Variants in FBXO24 observed in about 807,000 individuals in gnomAD.
The protein encoded by FBXO24 is F-box protein 24.
FBXO24 carries 30 observed loss-of-function variants against 63.5 expected under a neutral mutation model. The observed-to-expected ratio is 0.47, with a 90% CI of 0.35 to 0.64. The LOEUF is 0.64. FBXO24 is among the 30% of genes least tolerant of loss of function. FBXO24 has a pLI of 0.00. For missense variants in FBXO24, 624 were observed against 763.4 expected (o/e 0.82, Z 2.15); for synonymous variants, 300 against 305.0 (o/e 0.98, Z 0.17).
At chr7:100,596,602 C>T (rs1802319753) in intron 8 of FBXO24, among the ~76,000 whole-genome samples, 1 of 152,012 alleles carries the variant, frequency 6.6e-6, no homozygotes, top group Non-Finnish European at 1.5e-5. Flanking sequence ...GGAGGGGAGC[C>T]CGCCAGGAGG....
intron 6 of FBXO24, 87 bp from the exon 7 acceptor site, chr7:100,595,015 G>A: frequency 6.4e-7 from 1 of 1,570,004 alleles, no homozygotes; most frequent in Non-Finnish European, 8.7e-7. Context: ...AGACTCCTTG[G>A]ATCTTGTAGC....
Position 100,600,153 on chromosome 7 carries a change from C to T in FBXO24, c.1329C>T (p.Leu443=). 1 of 1,588,530 alleles carries T rather than the reference C, an allele frequency of 6.3e-7. No individual in the cohort carries two copies. ...GCGGCTGTGGGGCTGGGGGCCGCCT[C>T]CCAGGCTGGCCCAAGGGGAGTGCCT... ...LGCGCGAGGR[L]PGWPKGSASF... is the part of the protein sequence containing the mutation. Residue 443 remains leucine, a synonymous_variant, in exon 9 of 10, where the codon CTC becomes CTT. Transcript: ENST00000241071. The surrounding 1 kb of genome is among the most constrained non-coding windows in gnomAD (Gnocchi z 6.3).
chr7:100,601,043 G>T lies in FBXO24; in HGVS notation c.*144G>T, dbSNP rs190595388. 5.5e-6 allele frequency: 7 copies of T among 1,271,126 alleles called. No individual in the cohort carries two copies. Among genetic ancestry groups the T allele is most frequent in the Non-Finnish European group, 7.4e-6 (7 of 944,310 alleles). 78.7% of individuals were successfully genotyped at this position (1,271,126 alleles called of 1,614,324 possible). On this transcript the variant is annotated 3_prime_UTR_variant, in exon 10 of 10. Transcript: ENST00000241071. ...TAACCAGGGTAAGAATGTTCAGGGG[G>T]CTGCCCAGGAGGGGCCCCCAACCTG...
chr7:100,589,436 G>A lies in FBXO24; in HGVS notation c.40-541G>A, dbSNP rs369636929. The stretch of plus-strand genomic sequence containing the variant: ...TCACACTTTATTTCTCCAGTAAAAT[G>A]CATATCCCTTGAGCCATGTGATGGC... On this transcript the variant is annotated intron_variant, in intron 1 of 9. Coordinates refer to ENST00000241071, the MANE Select transcript of FBXO24 (RefSeq NM_033506.3). The A allele has an allele frequency of 4.9e-6, 6 of 1,232,236 alleles. No individual in the cohort carries two copies. In the African/African-American group the frequency reaches 6.2e-5, roughly 13 times the overall value. 76.3% of individuals were successfully genotyped at this position (1,232,236 alleles called of 1,614,324 possible).
At chr7:100,597,916 G>C (rs1372897120) in intron 8 of FBXO24, among the ~76,000 whole-genome samples, 1 of 148,982 alleles carries the variant, frequency 6.7e-6, no homozygotes, top group African/African-American at 2.5e-5. Flanking sequence ...TTAGAGACAG[G>C]GTCTTGCTAT....
At chr7:100,593,069 AC>A in intron 5 of FBXO24, 52 bp downstream of exon 5, 2 of 1,508,864 alleles carry the variant, frequency 1.3e-6, no homozygotes, top group Non-Finnish European at 1.8e-6. Flanking sequence ...GATTCCTCAG[AC>A]CCTGCTGCAG....
rs370287431 is a variant in FBXO24 at position 100,586,716 on chromosome 7, C to A, written c.39+52C>A. ...TAAGAATGAACGCGGAGCCCCTGGCCGGCCGGGAACGCAGTTCGCCGCTGC... is the reference window on the plus strand; with the variant it reads ...TAAGAATGAACGCGGAGCCCCTGGCAGGCCGGGAACGCAGTTCGCCGCTGC... On this transcript the variant is annotated intron_variant, in intron 1 of 9. Transcript: ENST00000241071. 7 of 1,602,192 alleles carry A rather than the reference C, an allele frequency of 4.4e-6. No individual in the cohort carries two copies. The African/African-American group carries it at 6.7e-5, about 15-fold the overall frequency.
chr7:100,597,080 G>A (rs1035772965), intron 8 of FBXO24, among the ~76,000 whole-genome samples: 24 of 152,102 alleles, frequency 1.6e-4, no homozygotes, highest in Non-Finnish European at 3.2e-4. Flanking sequence ...AATTGGAAAC[G>A]TCTAGCTGGC....
Position 100,595,103 on chromosome 7 carries a change from C to T in FBXO24, c.954C>T (p.Asp318=). ...AGCTGAGGGCTCCTGACCCCCCAGA[C>T]CAGGGGGGAGTGTATTTTGAGGTGC... ...SNQSSTLYVT[D]QGGVYFEVHT... The change falls in exon 7 of 10, where the codon GAC becomes GAT. Residue 318 remains aspartate, a splice_region_variant and synonymous_variant. Coordinates refer to ENST00000241071, the MANE Select transcript of FBXO24 (RefSeq NM_033506.3). The T allele has an allele frequency of 6.2e-7, 1 of 1,613,932 alleles. No individual in the cohort carries two copies. Among genetic ancestry groups the T allele is most frequent in the Non-Finnish European group, 8.5e-7 (1 of 1,179,922 alleles).
chr7:100,590,063 C>G lies in FBXO24; in HGVS notation c.126C>G (p.Phe42Leu), dbSNP rs1373202850. The G allele has an allele frequency of 1.3e-5, 21 of 1,612,864 alleles. No individual in the cohort carries two copies. The highest frequency in any genetic ancestry group is 1.3e-5 in the Non-Finnish European group (15 of 1,179,414). The stretch of plus-strand genomic sequence containing the variant: ...GAAATCCGATTTCCATCCAGTTGTT[C>G]CCCCCAGAGCTGGTGAGTCCTTGGG... ...GKGNPISIQL[F>L]PPELVEHIIS... The change falls in exon 2 of 10, where the codon TTC becomes TTG. Residue 42 changes from phenylalanine to leucine, a missense_variant. This residue lies in a region of FBXO24 where 391 missense variants were observed against 469.1 expected (regional missense o/e 0.83). Coordinates refer to ENST00000241071, the MANE Select transcript of FBXO24 (RefSeq NM_033506.3).
chr7:100,586,328 A>C lies in FBXO24; in HGVS notation c.-298A>C. ...CGAGAGAAGGGAGGGGAACAAGGAT[A>C]GAGCGCTCGCCAACGGCCGACGCTC... is the stretch of plus-strand genomic sequence containing the variant. On this transcript the variant is annotated 5_prime_UTR_variant, in exon 1 of 10. Transcript: ENST00000241071. 1.5e-6 allele frequency: 1 copy of C among 686,178 alleles called. No individual in the cohort carries two copies. The highest frequency in any genetic ancestry group is 2.4e-6 in the Non-Finnish European group (1 of 415,996). 42.5% of individuals were successfully genotyped at this position (686,178 alleles called of 1,614,324 possible). A position where few individuals can be genotyped will look rare whatever the true frequency, so the allele number is the denominator to read the frequency against.
chr7:100,595,844 C>T (rs1802280872), intron 8 of FBXO24, 138 bp downstream of exon 8: 1 of 1,191,348 alleles, frequency 8.4e-7, no homozygotes, highest in African/African-American at 1.5e-5. Flanking sequence ...TATGTAATGC[C>T]AGTGGTACTA....
chr7:100,592,705 C>T, intron 4 of FBXO24, 78 bp from the exon 5 acceptor site: 2 of 1,140,838 alleles, frequency 1.8e-6, no homozygotes, highest in Non-Finnish European at 2.6e-6. Context: ...ATTTCACTTC[C>T]CACCCCAGGA....
In FBXO24 at chr7:100,592,947, C is replaced by T. The variant is rs1348884984; in HGVS notation, c.723C>T (p.His241=). 1 of 1,614,204 alleles carries T rather than the reference C, an allele frequency of 6.2e-7. No homozygotes were observed. Among genetic ancestry groups the T allele is most frequent in the South Asian group, 1.1e-5 (1 of 91,080 alleles). The change falls in exon 5 of 10, where the codon CAC becomes CAT. Residue 241 remains histidine (H), a synonymous_variant. Coordinates refer to ENST00000241071, the MANE Select transcript of FBXO24 (RefSeq NM_033506.3). ...SGQRVFKMTF[H]HSMTFKQIVL... Reference sequence around the variant, plus strand: ...AGCGGGTCTTCAAGATGACATTCCACCACTCAATGACCTTCAAGCAGATCG... The same window carrying T: ...AGCGGGTCTTCAAGATGACATTCCATCACTCAATGACCTTCAAGCAGATCG...
At position 100,594,960 on chromosome 7, in the gene FBXO24, T is replaced by C; in HGVS notation, c.953-142T>C. 8.2e-7 allele frequency: 1 copy of C among 1,213,082 alleles called. No homozygotes were observed. Among genetic ancestry groups the C allele is most frequent in the Non-Finnish European group, 1.1e-6 (1 of 870,766 alleles). 75.1% of individuals were successfully genotyped at this position (1,213,082 alleles called of 1,614,324 possible). A position where few individuals can be genotyped will look rare whatever the true frequency, so the allele number is the denominator to read the frequency against. The stretch of plus-strand genomic sequence containing the variant: ...GGAGACTCGGTCTCAAAAGATGTGT[T>C]TTCAGTTCCCAGGCATCATAGTTGA... On this transcript the variant is annotated intron_variant, in intron 6 of 9. Coordinates refer to ENST00000241071, the MANE Select transcript of FBXO24 (RefSeq NM_033506.3). The surrounding 1 kb of genome is among the most constrained non-coding windows in gnomAD (Gnocchi z 4.2).
chr7:100,589,036 C>G (rs539500334), intron 1 of FBXO24, among the ~76,000 whole-genome samples: 14 of 151,742 alleles, frequency 9.2e-5, no homozygotes, highest in South Asian at 6.2e-4. Context: ...TCTATGTTGA[C>G]CAGGCTGGTC....
chr7:100,591,524 T>A, intron 3 of FBXO24, 143 bp from the exon 4 acceptor site: 1 of 684,536 alleles, frequency 1.5e-6, no homozygotes, highest in Non-Finnish European at 2.5e-6. Flanking sequence ...CCACATCTCC[T>A]TCATAAGGGG....
Position 100,600,049 on chromosome 7 carries a change from C to T in FBXO24, c.1225C>T (p.Pro409Ser), listed in dbSNP as rs771190936. 6.2e-7 allele frequency: 1 copy of T among 1,609,904 alleles called. No individual in the cohort carries two copies. Among genetic ancestry groups the T allele is most frequent in the South Asian group, 1.1e-5 (1 of 90,500 alleles). The part of the protein sequence containing the change: ...EPTQVCYLQR[P>S]ITLWCGLNHS... ...TCCCCAGGTTTGTTACCTGCAGCGGCCCATCACCCTGTGGTGCGGCCTCAA... is the reference window on the plus strand; with the variant it reads ...TCCCCAGGTTTGTTACCTGCAGCGGTCCATCACCCTGTGGTGCGGCCTCAA... The change falls in exon 9 of 10, where the codon CCC (proline) becomes TCC (serine). Residue 409 changes from proline to serine, a missense_variant. Coordinates refer to ENST00000241071, the MANE Select transcript of FBXO24 (RefSeq NM_033506.3). This position sits in a 1 kb window ranked among gnomAD's most constrained non-coding sequence, Gnocchi z 6.3.
chr7:100,589,434 A>G, intron 1 of FBXO24: 1 of 1,230,690 alleles, frequency 8.1e-7, no homozygotes, highest in Non-Finnish European at 1.0e-6. Flanking sequence ...CTCCAGTAAA[A>G]TGCATATCCC....
Sources: gnomAD v4.1 joint callset for allele counts (sites outside exome capture counted in the v4.1 genomes callset) on GRCh38, gnomAD v4.1.1 for gene constraint, gnomAD v4.1.1 regional missense constraint, Gnocchi (gnomAD v3.1) non-coding constraint, MANE v1.5 for transcripts, NCBI Gene and HGNC (gene_info 2026-07-23, HGNC 2026-07-21) for gene names.